ZBTB16: variants seen among roughly 807,000 people sequenced by gnomAD.
The protein encoded by ZBTB16 is zinc finger and BTB domain containing 16.
Under a neutral mutation model 56.8 loss-of-function variants are expected in ZBTB16, and 8 were observed. The observed-to-expected ratio is 0.14, with a 90% CI of 0.08 to 0.25. The LOEUF (loss-of-function observed/expected upper bound fraction) is 0.25. ZBTB16 is among the 10% of genes least tolerant of loss of function. The pLI is 1.00. For missense variants in ZBTB16, 625 were observed against 903.0 expected (o/e 0.69, Z 3.95); for synonymous variants, 363 against 368.5 (o/e 0.98, Z 0.17).
At chr11:114,219,491 A>C (rs12275838) in intron 4 of ZBTB16, among the ~76,000 whole-genome samples, 12,135 of 152,020 alleles carry the variant, frequency 0.08, 1,649 homozygotes, top group African/African-American at 0.28. Flanking sequence ...GATGGGAAGC[A>C]TCTTAGGCTC....
intron 2 of ZBTB16, among the ~76,000 whole-genome samples, chr11:114,081,128 G>A (rs1196024339): frequency 6.6e-6 from 1 of 152,180 alleles, no homozygotes; most frequent in Non-Finnish European, 1.5e-5. Context: ...GACTGCCCAG[G>A]TCTGTTCTCT....
intron 4 of ZBTB16, among the ~76,000 whole-genome samples, chr11:114,190,604 G>A (rs945478057): frequency 6.6e-6 from 1 of 152,068 alleles, no homozygotes; most frequent in Admixed American, 6.6e-5. Flanking sequence ...TAAAAGACAT[G>A]AATTTTATAT....
At chr11:114,121,924 G>A in intron 2 of ZBTB16, 1 of 446,780 alleles carries the variant, frequency 2.2e-6, no homozygotes, top group Non-Finnish European at 4.5e-6. Flanking sequence ...GGTAAGTTTG[G>A]CTGCAAGGTA....
chr11:114,126,817 G>T (rs1941521299), intron 2 of ZBTB16, among the ~76,000 whole-genome samples: 1 of 152,156 alleles, frequency 6.6e-6, no homozygotes, highest in African/African-American at 2.4e-5. Context: ...TGAGCTCCTT[G>T]ACCTACGAGG....
At chr11:114,134,450 G>T (rs1941747784) in intron 2 of ZBTB16, among the ~76,000 whole-genome samples, 1 of 152,144 alleles carries the variant, frequency 6.6e-6, no homozygotes, top group Admixed American at 6.5e-5. Context: ...CACAGGCTTA[G>T]AAGCTCATTT....
intron 2 of ZBTB16, among the ~76,000 whole-genome samples, chr11:114,133,774 G>A (rs948458081): frequency 3.3e-5 from 5 of 152,194 alleles, no homozygotes; most frequent in African/African-American, 1.2e-4. Flanking sequence ...TGTGGCACAG[G>A]TGTTCCACTG....
intron 2 of ZBTB16, among the ~76,000 whole-genome samples, chr11:114,100,984 A>G (rs1398951295): frequency 6.6e-6 from 1 of 151,584 alleles, no homozygotes; most frequent in Non-Finnish European, 1.5e-5. Flanking sequence ...CATGGCCAGG[A>G]GCGTTGCAAG....
At chr11:114,227,162 C>A (rs1431392525) in intron 4 of ZBTB16, among the ~76,000 whole-genome samples, 1 of 152,184 alleles carries the variant, frequency 6.6e-6, no homozygotes, top group Non-Finnish European at 1.5e-5. Flanking sequence ...CTTTGTGCAG[C>A]AGCCGGAGCA....
At chr11:114,082,384 A>C (rs2735202) in intron 2 of ZBTB16, among the ~76,000 whole-genome samples, 47,127 of 152,110 alleles carry the variant, frequency 0.31, 8,795 homozygotes, top group East Asian at 0.59. Context: ...GATTTGGGGT[A>C]GTGTACTTAA....
intron 2 of ZBTB16, among the ~76,000 whole-genome samples, chr11:114,129,527 C>G (rs867819968): frequency 6.6e-6 from 1 of 152,356 alleles, no homozygotes; most frequent in Middle Eastern, 3.4e-3. Flanking sequence ...TGCCTATTCC[C>G]TTTCATTCTT....
chr11:114,124,957 G>A (rs541348389), intron 2 of ZBTB16, among the ~76,000 whole-genome samples: 45 of 152,230 alleles, frequency 3.0e-4, no homozygotes, highest in African/African-American at 1.1e-3. Flanking sequence ...TCACTCTCTT[G>A]CTCTCCCAGC....
At chr11:114,099,936 T>C (rs1940549716) in intron 2 of ZBTB16, among the ~76,000 whole-genome samples, 2 of 152,248 alleles carry the variant, frequency 1.3e-5, no homozygotes, top group Admixed American at 1.3e-4. Context: ...GTGTCTGTCT[T>C]TCTCAACCCC....
Position 114,247,463 on chromosome 11 carries a change from A to C in ZBTB16, c.1792+98A>C, listed in dbSNP as rs1734719808. ...GAGAAGCCTAAGTGAGGATGATCCC[A>C]GGCTGAATCAAAGAGTAGAAGAGGT... On this transcript the variant is annotated intron_variant, in intron 6 of 6. Transcript: ENST00000335953. 2.0e-6 allele frequency: 3 copies of C among 1,532,756 alleles called. No homozygotes were observed. In the South Asian group the frequency reaches 3.5e-5, roughly 18 times the overall value. The allele number at this position is 1,532,756 out of a possible 1,614,324, so 94.9% of individuals were successfully genotyped here.
chr11:114,105,622 CATTT>C (rs1263621039), intron 2 of ZBTB16, among the ~76,000 whole-genome samples: 2 of 152,164 alleles, frequency 1.3e-5, no homozygotes, highest in Non-Finnish European at 2.9e-5. Context: ...ATTTTAGTTT[CATTT>C]GAGACAGCGA....
At chr11:114,223,377 T>C (rs905632759) in intron 4 of ZBTB16, among the ~76,000 whole-genome samples, 1 of 152,082 alleles carries the variant, frequency 6.6e-6, no homozygotes. Flanking sequence ...TCATAGGGAA[T>C]TGGGGATGGT....
intron 2 of ZBTB16, among the ~76,000 whole-genome samples, chr11:114,090,374 C>T (rs1940141096): frequency 6.6e-6 from 1 of 152,194 alleles, no homozygotes; most frequent in Non-Finnish European, 1.5e-5. Flanking sequence ...ACAGAATGGC[C>T]TCTGGAACTT....
chr11:114,159,404 G>A (rs1176224050), intron 3 of ZBTB16, among the ~76,000 whole-genome samples: 2 of 152,220 alleles, frequency 1.3e-5, no homozygotes, highest in Non-Finnish European at 2.9e-5. Context: ...TGATGATTAG[G>A]CAGGTGCGAT....
At chr11:114,207,901 A>C (rs928266822) in intron 4 of ZBTB16, among the ~76,000 whole-genome samples, 1 of 152,214 alleles carries the variant, frequency 6.6e-6, no homozygotes, top group African/African-American at 2.4e-5. Flanking sequence ...GGCGTGTGCC[A>C]CCATGCCCAG....
At chr11:114,171,265 G>A (rs762246954) in intron 3 of ZBTB16, among the ~76,000 whole-genome samples, 2 of 152,246 alleles carry the variant, frequency 1.3e-5, no homozygotes, top group African/African-American at 2.4e-5. Context: ...GTGGACCAGC[G>A]TATGTAGGAC....
Sources: gnomAD v4.1 joint callset for allele counts (sites outside exome capture counted in the v4.1 genomes callset) on GRCh38, gnomAD v4.1.1 for gene constraint, MANE v1.5 for transcripts, NCBI Gene and HGNC (gene_info 2026-07-23, HGNC 2026-07-21) for gene names.